Variants in NKTR observed in about 807,000 individuals in gnomAD.
NKTR encodes the protein NK-tumor recognition protein.
A neutral mutation model predicts 156.3 loss-of-function variants in NKTR; 67 were observed. That is an observed-to-expected ratio of 0.43 (90% CI 0.35 to 0.53). NKTR has a LOEUF of 0.53. Among genes scored for constraint, NKTR ranks in the 20% least tolerant of loss-of-function variants. NKTR has a pLI of 0.01. For synonymous variants in NKTR, 640 were observed against 596.6 expected (o/e 1.07, Z -1.06); for missense variants, 1,604 against 1,730.9 (o/e 0.93, Z 1.30).
Position 42,637,952 on chromosome 3 carries a change from G to T in NKTR, c.2248G>T (p.Asp750Tyr), listed in dbSNP as rs1333340426. The T allele has an allele frequency of 6.2e-7, 1 of 1,613,756 alleles. No homozygotes were observed. Among genetic ancestry groups the T allele is most frequent in the Non-Finnish European group, 8.5e-7 (1 of 1,179,848 alleles). ...ATCTTCATATACTTCTATTAGCAGT[G>T]ATGATGGAAGGCGAGCTAAGAGGAG... ...RSSSYTSISS[D>Y]DGRRAKRRLR... The change falls in exon 13 of 17, where the codon GAT (aspartate) becomes TAT (tyrosine). Residue 750 changes from aspartate (D) to tyrosine (Y), a missense_variant. This residue lies in a region of NKTR where 1,255 missense variants were observed against 1,243.7 expected (regional missense o/e 1.01). Transcript: ENST00000232978.
chr3:42,640,781 C>T (rs950634842), intron 13 of NKTR, among the ~76,000 whole-genome samples: 32 of 152,214 alleles, frequency 2.1e-4, no homozygotes, highest in Non-Finnish European at 8.8e-5. Flanking sequence ...TTCTGGAGCC[C>T]TCTGCTAGCT....
At position 42,639,413 on chromosome 3, in the gene NKTR, G is replaced by C. The variant is rs1272270947; in HGVS notation, c.3709G>C (p.Ala1237Pro). The C allele has an allele frequency of 6.2e-7, 1 of 1,614,106 alleles. No individual in the cohort carries two copies. The highest frequency in any genetic ancestry group is 8.5e-7 in the Non-Finnish European group (1 of 1,179,980). The change falls in exon 13 of 17, where the codon GCA becomes CCA. Residue 1237 changes from alanine (A) to proline (P), a missense_variant. By Grantham distance (27) the Ala-to-Pro change is conservative. Transcript: ENST00000232978. The stretch of plus-strand genomic sequence containing the variant: ...CCTGCAAGGTGTGGGGAACCTGGCA[G>C]CACCTAATGCTGCCACATCCAGTGC... The part of the protein sequence containing the change: ...KPLQGVGNLA[A>P]PNAATSSAVE...
intron 2 of NKTR, chr3:42,601,328 G>GAAAA: frequency 2.9e-6 from 1 of 339,480 alleles, no homozygotes; most frequent in Non-Finnish European, 5.4e-6. Flanking sequence ...CTGGCGCCAA[G>GAAAA]AAAAGGAGGT....
At chr3:42,607,759 G>A (rs1312129582) in intron 2 of NKTR, among the ~76,000 whole-genome samples, 2 of 152,042 alleles carry the variant, frequency 1.3e-5, no homozygotes, top group African/African-American at 4.8e-5. Context: ...GGGCATTGTA[G>A]GGGTAGTTGG....
At chr3:42,606,744 A>C (rs1301924413) in intron 2 of NKTR, among the ~76,000 whole-genome samples, 1 of 152,100 alleles carries the variant, frequency 6.6e-6, no homozygotes, top group Non-Finnish European at 1.5e-5. Flanking sequence ...ACAGTGGCTC[A>C]TGCTTGTAAT....
intron 5 of NKTR, chr3:42,620,896 A>C: frequency 5.3e-6 from 5 of 935,142 alleles, no homozygotes; most frequent in Non-Finnish European, 6.4e-6. Context: ...TTTGTGATAC[A>C]ATTGAGTATA....
At chr3:42,620,903 T>C in intron 5 of NKTR, 1 of 923,072 alleles carries the variant, frequency 1.1e-6, no homozygotes, top group Non-Finnish European at 1.3e-6. Context: ...TACAATTGAG[T>C]ATACACATAC....
chr3:42,606,539 T>C (rs1706254711), intron 2 of NKTR, among the ~76,000 whole-genome samples: 1 of 152,210 alleles, frequency 6.6e-6, no homozygotes, highest in Admixed American at 6.5e-5. Flanking sequence ...GAGACAGTGC[T>C]GTAAAGTGAA....
In NKTR at chr3:42,639,145, T is replaced by A. The variant is rs1352680750; in HGVS notation, c.3441T>A (p.Pro1147=). 2.5e-6 allele frequency: 4 copies of A among 1,613,990 alleles called. No individual in the cohort carries two copies. In the South Asian group the frequency reaches 4.4e-5, roughly 18 times the overall value. The change falls in exon 13 of 17, where the codon CCT becomes CCA. Residue 1147 remains proline (P), a synonymous_variant. Coordinates refer to ENST00000232978, the MANE Select transcript of NKTR (RefSeq NM_005385.4). Reference sequence around the variant, plus strand: ...CAGCAAAAGTAGAGGAGACTTCCCCTCTAGGAAATGCACGGCTTGATACCC... The same window carrying A: ...CAGCAAAAGTAGAGGAGACTTCCCCACTAGGAAATGCACGGCTTGATACCC... ...SSPAKVEETS[P]LGNARLDTPD...
At chr3:42,603,634 G>A (rs562565933) in intron 2 of NKTR, among the ~76,000 whole-genome samples, 4 of 151,784 alleles carry the variant, frequency 2.6e-5, no homozygotes, top group African/African-American at 9.7e-5. Flanking sequence ...CATTGTTCTA[G>A]GTTTAATCAT....
intron 4 of NKTR, chr3:42,619,354 G>C (rs1707697552): frequency 2.5e-6 from 3 of 1,199,714 alleles, no homozygotes; most frequent in Non-Finnish European, 3.3e-6. Context: ...TAATATTATA[G>C]TTACTTAGTG....
At chr3:42,630,609 G>C (rs753467471) in intron 7 of NKTR, 34 bp downstream of exon 7, 9 of 1,612,916 alleles carry the variant, frequency 5.6e-6, no homozygotes, top group Non-Finnish European at 7.6e-6. Context: ...TTGGGGAAGT[G>C]TTTGGGTGGC....
chr3:42,636,964 A>T lies in NKTR; in HGVS notation c.1260A>T (p.Thr420=). The change falls in exon 13 of 17, where the codon ACA becomes ACT. Residue 420 remains threonine, a synonymous_variant. Coordinates refer to ENST00000232978, the MANE Select transcript of NKTR (RefSeq NM_005385.4). ...ATGGATATTATTCAGACCTTAGTAC[A>T]GCAAGACACTCTGGCCACCATAAAA... is the stretch of plus-strand genomic sequence containing the variant. ...SYNGYYSDLS[T]ARHSGHHKKR... is the part of the protein sequence containing the mutation. 1 of 1,611,984 alleles carries T rather than the reference A, an allele frequency of 6.2e-7. No homozygotes were observed. Among genetic ancestry groups the T allele is most frequent in the Non-Finnish European group, 8.5e-7 (1 of 1,179,538 alleles).
chr3:42,644,158 C>T (rs1710159587), intron 16 of NKTR, among the ~76,000 whole-genome samples, 155 bp downstream of exon 16: 1 of 152,128 alleles, frequency 6.6e-6, no homozygotes, highest in Admixed American at 6.5e-5. Context: ...CCACAAGCAG[C>T]CACTAAAAGT....
At chr3:42,633,094 C>A in intron 9 of NKTR, 2 of 897,708 alleles carry the variant, frequency 2.2e-6, no homozygotes, top group Non-Finnish European at 2.8e-6. Context: ...GGCTGGAATA[C>A]AGTGGCACAA....
In NKTR at chr3:42,631,317, G is replaced by A; in HGVS notation, c.550+1G>A. The A allele has an allele frequency of 6.2e-7, 1 of 1,613,028 alleles. No individual in the cohort carries two copies. The highest frequency in any genetic ancestry group is 8.5e-7 in the Non-Finnish European group (1 of 1,179,482). ...CTTGCCACAAAATCAATAAAAGATGGTAAGAACTTTTTTGACAGTAGATGA... is the reference window on the plus strand; with the variant it reads ...CTTGCCACAAAATCAATAAAAGATGATAAGAACTTTTTTGACAGTAGATGA... On this transcript the variant is annotated splice_donor_variant, in intron 8 of 16. Transcript: ENST00000232978. LOFTEE classifies it high-confidence loss of function.
intron 2 of NKTR, among the ~76,000 whole-genome samples, chr3:42,609,350 G>C (rs1706545522): frequency 6.6e-6 from 1 of 152,168 alleles, no homozygotes; most frequent in Non-Finnish European, 1.5e-5. Context: ...AATGGTTTTG[G>C]ATTTAAGTAG....
intron 2 of NKTR, among the ~76,000 whole-genome samples, chr3:42,604,065 T>C (rs183948109): frequency 3.9e-4 from 59 of 152,270 alleles, no homozygotes; most frequent in Middle Eastern, 3.4e-3. Context: ...AATTGGTGCA[T>C]TTTATCTAAG....
At chr3:42,628,544 T>A (rs551898465) in intron 6 of NKTR, 4 of 985,348 alleles carry the variant, frequency 4.1e-6, no homozygotes. Context: ...CTTTATGTTT[T>A]AAGAAAAATT....
Sources: allele counts gnomAD v4.1 joint callset (sites outside exome capture counted in the v4.1 genomes callset), GRCh38; gene constraint gnomAD v4.1.1; regional missense constraint gnomAD v4.1.1; transcripts MANE v1.5; gene names NCBI Gene and HGNC (gene_info 2026-07-23, HGNC 2026-07-21).